Variants in DLGAP2 observed in about 807,000 individuals in gnomAD.
DLGAP2 encodes disks large-associated protein 2.
Under a neutral mutation model 100.3 loss-of-function variants are expected in DLGAP2, and 26 were observed. The ratio of observed to expected loss-of-function variants is 0.26; its 90% CI spans 0.19 to 0.36. The LOEUF (loss-of-function observed/expected upper bound fraction) is 0.36. Among genes scored for constraint, DLGAP2 ranks in the 10% least tolerant of loss-of-function variants. The pLI is 1.00. For synonymous variants in DLGAP2, 886 were observed against 630.1 expected, an observed-to-expected ratio of 1.41 and a Z score of -6.08; for missense variants, 1,858 against 1,453.2, an observed-to-expected ratio of 1.28 and a Z score of -4.53.
chr8:1,190,544 C>T (rs779141111), intron 2 of DLGAP2, among the ~76,000 whole-genome samples: 2 of 152,178 alleles, frequency 1.3e-5, no homozygotes, highest in Admixed American at 6.5e-5. Flanking sequence ...CTGGCCGCCC[C>T]GTCCTTGCTT....
chr8:1,332,995 C>T (rs1296077157), intron 3 of DLGAP2, among the ~76,000 whole-genome samples: 1 of 152,178 alleles, frequency 6.6e-6, no homozygotes, highest in South Asian at 2.1e-4. Context: ...GGCCCCCCTT[C>T]CTCGAATGGT....
intron 2 of DLGAP2, among the ~76,000 whole-genome samples, chr8:972,794 A>C (rs965652248): frequency 6.6e-6 from 1 of 152,150 alleles, no homozygotes; most frequent in East Asian, 1.9e-4. Context: ...GTCCCTGGGT[A>C]CTTGAGATTA....
intron 4 of DLGAP2, among the ~76,000 whole-genome samples, chr8:1,507,992 G>T (rs1799993617): frequency 6.6e-6 from 1 of 151,964 alleles, no homozygotes; most frequent in Non-Finnish European, 1.5e-5. Context: ...CTAGTCTGTG[G>T]CACAGGAAAG....
chr8:956,839 G>A (rs1189065346), intron 2 of DLGAP2, among the ~76,000 whole-genome samples: 1 of 152,180 alleles, frequency 6.6e-6, no homozygotes, highest in Non-Finnish European at 1.5e-5. Context: ...ATTTAAGTGG[G>A]AACAGGATTA....
intron 3 of DLGAP2, among the ~76,000 whole-genome samples, chr8:1,424,271 T>A (rs1211583896): frequency 1.3e-5 from 2 of 152,212 alleles, no homozygotes; most frequent in Non-Finnish European, 2.9e-5. Context: ...CCTTCTGTAG[T>A]CTGCATCTAA....
chr8:1,143,385 G>C (rs571461171), intron 2 of DLGAP2, among the ~76,000 whole-genome samples: 1 of 152,298 alleles, frequency 6.6e-6, no homozygotes, highest in South Asian at 2.1e-4. Context: ...ACCACTCTGA[G>C]TATCTCCCCT....
At chr8:1,173,385 G>T (rs1321476313) in intron 2 of DLGAP2, among the ~76,000 whole-genome samples, 1 of 152,206 alleles carries the variant, frequency 6.6e-6, no homozygotes, top group African/African-American at 2.4e-5. Context: ...CCAGCTGTGT[G>T]CTAGGAGAAC....
intron 2 of DLGAP2, among the ~76,000 whole-genome samples, chr8:1,217,176 G>T (rs1798231370): frequency 6.6e-6 from 1 of 152,030 alleles, no homozygotes; most frequent in South Asian, 2.1e-4. Context: ...AATTCTCAGT[G>T]TTTAGCTCTC....
At chr8:1,006,619 C>G (rs1244124135) in intron 2 of DLGAP2, among the ~76,000 whole-genome samples, 1 of 42,484 alleles carries the variant, frequency 2.4e-5, no homozygotes, top group Non-Finnish European at 4.7e-5. Context: ...TCCTTTATCA[C>G]GTCGGGGACA....
intron 2 of DLGAP2, among the ~76,000 whole-genome samples, chr8:1,193,819 C>G (rs74736030): frequency 0.019 from 2,924 of 152,152 alleles, 105 homozygotes; most frequent in African/African-American, 0.066. Context: ...ACCTGAGACC[C>G]CCAGACAGCA....
chr8:1,670,921 G>A (rs1798675098), intron 10 of DLGAP2, among the ~76,000 whole-genome samples: 2 of 152,240 alleles, frequency 1.3e-5, no homozygotes, highest in South Asian at 4.1e-4. Context: ...GAGGCGTCAG[G>A]AGGGGAGCTG....
intron 6 of DLGAP2, among the ~76,000 whole-genome samples, chr8:1,599,613 C>G (rs1270394290): frequency 6.6e-6 from 1 of 152,134 alleles, no homozygotes; most frequent in Non-Finnish European, 1.5e-5. Context: ...GCGTTGATCC[C>G]TTTACGATTA....
In DLGAP2 at chr8:827,379, A is replaced by T. The variant is rs566202279; in HGVS notation, c.19-80533A>T. On this transcript the variant is annotated intron_variant, in intron 1 of 14. Transcript: ENST00000637795. ...CAGACTTGCATGCAAATTCATTTAA[A>T]TGGATTATTTTTAAAATACACATTT... Among the ~76,000 whole-genome samples the T allele has an allele frequency of 3.9e-5, 6 of 152,346 alleles. 1 individual carries two copies. In the South Asian group the frequency reaches 1.2e-3, roughly 32 times the overall value.
intron 4 of DLGAP2, among the ~76,000 whole-genome samples, chr8:1,525,978 A>G (rs1210030262): frequency 1.3e-5 from 2 of 151,906 alleles, no homozygotes; most frequent in Admixed American, 6.6e-5. Context: ...TTTTTTTGGA[A>G]TGGGGGACAT....
chr8:1,211,178 A>G (rs1017509732), intron 2 of DLGAP2, among the ~76,000 whole-genome samples: 22 of 152,198 alleles, frequency 1.4e-4, no homozygotes, highest in African/African-American at 5.3e-4. Flanking sequence ...GTTCAGCACA[A>G]CATTCTCAGG....
At chr8:1,526,287 G>A (rs930214690) in intron 4 of DLGAP2, among the ~76,000 whole-genome samples, 6 of 151,882 alleles carry the variant, frequency 4.0e-5, no homozygotes, top group African/African-American at 9.7e-5. Context: ...CTGTGACAGC[G>A]CCTCACCTGC....
chr8:1,017,611 G>A (rs576674762), intron 2 of DLGAP2, among the ~76,000 whole-genome samples: 18 of 141,406 alleles, frequency 1.3e-4, no homozygotes, highest in South Asian at 4.3e-4. Flanking sequence ...CAGGACAGAC[G>A]GCGCCTCCAC....
intron 3 of DLGAP2, among the ~76,000 whole-genome samples, chr8:1,264,030 G>A (rs1799403073): frequency 1.3e-5 from 2 of 152,200 alleles, no homozygotes; most frequent in African/African-American, 4.8e-5. Flanking sequence ...TCTAGGGTAA[G>A]AGGGAGAATG....
In DLGAP2 at chr8:1,412,801, C is replaced by T. The variant is rs1796770889; in HGVS notation, c.107-88565C>T. On this transcript the variant is annotated intron_variant, in intron 3 of 14. Transcript: ENST00000637795. ...CTGACTCTAACATACCCTCCCTATT[C>T]ACAGCCCTCCCCAGCAGATGGCCTG... Among the ~76,000 whole-genome samples, 4 of 152,222 alleles carry T rather than the reference C, an allele frequency of 2.6e-5. No homozygotes were observed. In the South Asian group the frequency reaches 8.3e-4, roughly 32 times the overall value.
Sources: gnomAD v4.1 joint callset for allele counts (sites outside exome capture counted in the v4.1 genomes callset) on GRCh38, gnomAD v4.1.1 for gene constraint, MANE v1.5 for transcripts, NCBI Gene and HGNC (gene_info 2026-07-23, HGNC 2026-07-21) for gene names.